DNAH9: variants seen among roughly 807,000 people sequenced by gnomAD.
The protein encoded by DNAH9 is DNAH9 variant protein.
DNAH9 carries 345 observed loss-of-function variants against 471.6 expected under a neutral mutation model. The ratio of observed to expected loss-of-function variants is 0.73; its 90% CI spans 0.67 to 0.80. The LOEUF is 0.80. Ranked by LOEUF, DNAH9 falls within the 30% of genes least tolerant of loss-of-function variation. The probability of loss-of-function intolerance (pLI) is 0.00; values close to 1 mark genes in which losing one functional copy is unlikely to be tolerated. For missense variants in DNAH9, 5,407 were observed against 5,609.2 expected (o/e 0.96, Z 1.15); for synonymous variants, 2,093 against 2,123.6 (o/e 0.99, Z 0.40).
At chr17:11,916,841 C>T (rs1204932220) in intron 61 of DNAH9, among the ~76,000 whole-genome samples, 3 of 152,288 alleles carry the variant, frequency 2.0e-5, no homozygotes, top group African/African-American at 7.2e-5. Context: ...GTCCTTCCTC[C>T]ACCCCCGAAA....
intron 6 of DNAH9, among the ~76,000 whole-genome samples, chr17:11,624,379 T>C (rs2072931873): frequency 6.6e-6 from 1 of 152,014 alleles, no homozygotes; most frequent in Admixed American, 6.6e-5. Flanking sequence ...CATGGCGGCA[T>C]ACCCGTGTAA....
chr17:11,857,644 T>C (rs991887986), intron 50 of DNAH9, among the ~76,000 whole-genome samples: 8 of 152,238 alleles, frequency 5.3e-5, no homozygotes, highest in Non-Finnish European at 1.2e-4. Context: ...CAGGACATTA[T>C]ATAGTTTGGA....
At chr17:11,954,783 AAAAAAGAG>A (rs1300858493) in intron 67 of DNAH9, among the ~76,000 whole-genome samples, 1 of 145,350 alleles carries the variant, frequency 6.9e-6, no homozygotes, top group Admixed American at 7.0e-5. Context: ...AAAAAAAAAA[AAAAAAGAG>A]AGAGAAAGAA....
At chr17:11,620,639 A>G (rs761384849) in intron 6 of DNAH9, among the ~76,000 whole-genome samples, 63 of 152,312 alleles carry the variant, frequency 4.1e-4, no homozygotes, top group Non-Finnish European at 5.6e-4. Flanking sequence ...AAGAAGGCCC[A>G]AGGAATCAAT....
chr17:11,773,087 T>A (rs1284860810), intron 38 of DNAH9, among the ~76,000 whole-genome samples: 2 of 152,208 alleles, frequency 1.3e-5, no homozygotes, highest in African/African-American at 4.8e-5. Flanking sequence ...ATCAGCTGAA[T>A]GTAAGAGAGA....
intron 43 of DNAH9, among the ~76,000 whole-genome samples, chr17:11,798,475 GAGAT>G (rs1246091269): frequency 2.0e-5 from 3 of 147,292 alleles, no homozygotes; most frequent in Non-Finnish European, 3.0e-5. Flanking sequence ...GAGAGAGAGA[GAGAT>G]AGAGGGTTTG....
At chr17:11,605,380 G>A (rs185712176) in intron 1 of DNAH9, among the ~76,000 whole-genome samples, 2 of 152,230 alleles carry the variant, frequency 1.3e-5, no homozygotes, top group Admixed American at 1.3e-4. Flanking sequence ...TGACTGTTTT[G>A]TTCACGGGTG....
At chr17:11,659,403 T>C (rs1161231395) in intron 14 of DNAH9, among the ~76,000 whole-genome samples, 2 of 152,124 alleles carry the variant, frequency 1.3e-5, no homozygotes, top group African/African-American at 4.8e-5. Flanking sequence ...TTGTGGCCTA[T>C]GGAACACCAA....
intron 22 of DNAH9, among the ~76,000 whole-genome samples, chr17:11,697,031 G>C (rs2150765717): frequency 6.6e-6 from 1 of 152,182 alleles, no homozygotes; most frequent in Non-Finnish European, 1.5e-5. Flanking sequence ...ACCACACCCA[G>C]CTAATTTTTT....
At chr17:11,816,310 T>A (rs1314273137) in intron 45 of DNAH9, among the ~76,000 whole-genome samples, 1 of 152,206 alleles carries the variant, frequency 6.6e-6, no homozygotes, top group African/African-American at 2.4e-5. Context: ...AACACTGATA[T>A]ATACCTATTA....
At chr17:11,803,948 A>G (rs1432939433) in intron 43 of DNAH9, among the ~76,000 whole-genome samples, 1 of 152,252 alleles carries the variant, frequency 6.6e-6, no homozygotes, top group Non-Finnish European at 1.5e-5. Flanking sequence ...TCTCATGCAG[A>G]CACAAAGCAG....
At chr17:11,804,823 G>A (rs1193051155) in intron 43 of DNAH9, among the ~76,000 whole-genome samples, 4 of 151,256 alleles carry the variant, frequency 2.6e-5, no homozygotes, top group East Asian at 1.9e-4. Flanking sequence ...GCAGTGAGCC[G>A]AGATCGCGCC....
chr17:11,914,914 G>A (rs1269826399), intron 61 of DNAH9, among the ~76,000 whole-genome samples: 1 of 152,170 alleles, frequency 6.6e-6, no homozygotes, highest in East Asian at 1.9e-4. Context: ...GTTATATTTA[G>A]TAAATGCCAC....
intron 14 of DNAH9, among the ~76,000 whole-genome samples, chr17:11,653,291 AG>A (rs2073554132): frequency 6.6e-6 from 1 of 152,226 alleles, no homozygotes; most frequent in African/African-American, 2.4e-5. Context: ...GAAGATGACA[AG>A]GGCAAAATTC....
At position 11,598,899 on chromosome 17, in the gene DNAH9, C is replaced by T; in HGVS notation, c.401C>T (p.Ala134Val). 1 of 1,536,364 alleles carries T rather than the reference C, an allele frequency of 6.5e-7. No homozygotes were observed. Among genetic ancestry groups the T allele is most frequent in the Non-Finnish European group, 8.7e-7 (1 of 1,147,966 alleles). ...DLPAAPLEHLAALFSEVVLPV... is the reference protein window; with the variant it reads ...DLPAAPLEHLVALFSEVVLPV... The stretch of plus-strand genomic sequence containing the variant: ...CCCGCGGCACCTCTGGAGCACCTAG[C>T]CGCGCTGTTCTCGGAGGTGAGGGTG... The change falls in exon 1 of 69, where the codon GCC (alanine) becomes GTC (valine). Residue 134 changes from alanine to valine, a missense_variant. Transcript: ENST00000262442.
chr17:11,761,496 T>A (rs191955128), intron 35 of DNAH9, among the ~76,000 whole-genome samples: 1 of 152,322 alleles, frequency 6.6e-6, no homozygotes, highest in African/African-American at 2.4e-5. Flanking sequence ...AAACTGCTTC[T>A]CTAGCTGGTC....
At chr17:11,618,845 G>A (rs545477157) in intron 5 of DNAH9, among the ~76,000 whole-genome samples, 59 of 152,246 alleles carry the variant, frequency 3.9e-4, no homozygotes, top group African/African-American at 1.3e-3. Flanking sequence ...TGTTCAAGGA[G>A]GTTAACTGAC....
chr17:11,883,100 A>G (rs1335939965), intron 55 of DNAH9: 1 of 987,666 alleles, frequency 1.0e-6, no homozygotes, highest in East Asian at 1.1e-4. Context: ...AGCCTCGAGG[A>G]AGCTTTTACA....
intron 26 of DNAH9, among the ~76,000 whole-genome samples, chr17:11,713,312 A>G (rs2074905603): frequency 6.6e-6 from 1 of 152,020 alleles, no homozygotes; most frequent in Admixed American, 6.6e-5. Context: ...ATTAATGGAC[A>G]TTTAGGTTGA....
Sources: allele counts gnomAD v4.1 joint callset (sites outside exome capture counted in the v4.1 genomes callset), GRCh38; gene constraint gnomAD v4.1.1; transcripts MANE v1.5; gene names NCBI Gene and HGNC (gene_info 2026-07-23, HGNC 2026-07-21).